WWOX: variants seen among roughly 807,000 people sequenced by gnomAD.
The protein encoded by WWOX is WW domain-containing oxidoreductase.
WWOX carries 69 observed loss-of-function variants against 46.2 expected under a neutral mutation model. The observed-to-expected ratio is 1.49, with a 90% CI of 1.23 to 1.82. WWOX has a LOEUF of 1.82. Ranked by LOEUF, WWOX falls within the 40% of genes most tolerant of loss-of-function variation. The pLI is 0.00. For synonymous variants in WWOX, 359 were observed against 202.6 expected, an observed-to-expected ratio of 1.77 and a Z score of -6.56; for missense variants, 919 against 542.6, an observed-to-expected ratio of 1.69 and a Z score of -6.89.
intron 8 of WWOX, among the ~76,000 whole-genome samples, chr16:78,871,192 T>A (rs1230754768): frequency 6.6e-6 from 1 of 150,828 alleles, no homozygotes; most frequent in African/African-American, 2.5e-5. Flanking sequence ...TTTTTTTTAA[T>A]GAGGCAATCA....
At chr16:79,140,239 C>A (rs2150713430) in intron 8 of WWOX, among the ~76,000 whole-genome samples, 1 of 152,264 alleles carries the variant, frequency 6.6e-6, no homozygotes, top group South Asian at 2.1e-4. Context: ...ACTTGCAGAC[C>A]CTGCCCTGAA....
At chr16:78,205,086 C>G (rs550959627) in intron 5 of WWOX, among the ~76,000 whole-genome samples, 1 of 152,114 alleles carries the variant, frequency 6.6e-6, no homozygotes, top group Non-Finnish European at 1.5e-5. Flanking sequence ...CATCTAGAAG[C>G]TCAAATCCAG....
At chr16:78,660,255 C>T (rs923124919) in intron 8 of WWOX, among the ~76,000 whole-genome samples, 7 of 152,048 alleles carry the variant, frequency 4.6e-5, no homozygotes, top group African/African-American at 9.7e-5. Context: ...GTGGTAGATG[C>T]GGACTGGCCA....
intron 8 of WWOX, among the ~76,000 whole-genome samples, chr16:78,888,001 G>T (rs1449448914): frequency 1.3e-5 from 2 of 152,168 alleles, no homozygotes; most frequent in African/African-American, 4.8e-5. Context: ...TCCCACATTG[G>T]ACTTGTCAGA....
chr16:78,783,908 G>C (rs1050169811), intron 8 of WWOX, among the ~76,000 whole-genome samples: 2 of 149,788 alleles, frequency 1.3e-5, no homozygotes, highest in African/African-American at 2.5e-5. Context: ...GATGACGATG[G>C]TGATGATGAT....
At chr16:78,900,841 T>G (rs1200228897) in intron 8 of WWOX, among the ~76,000 whole-genome samples, 1 of 73,000 alleles carries the variant, frequency 1.4e-5, no homozygotes, top group Non-Finnish European at 3.0e-5. Context: ...ATCAGAGCCT[T>G]TTTTTGAAAA....
intron 8 of WWOX, among the ~76,000 whole-genome samples, chr16:78,513,851 G>C (rs1306839633): frequency 2.0e-5 from 3 of 151,616 alleles, no homozygotes; most frequent in Non-Finnish European, 2.9e-5. Context: ...GGGAACACTT[G>C]GTCGAAAAAC....
At chr16:78,478,634 C>T (rs1320998773) in intron 8 of WWOX, among the ~76,000 whole-genome samples, 2 of 152,102 alleles carry the variant, frequency 1.3e-5, no homozygotes, top group African/African-American at 4.8e-5. Flanking sequence ...TTATTCCAGG[C>T]CACAAGGGTG....
chr16:78,466,535 T>G (rs2084082594), intron 8 of WWOX, among the ~76,000 whole-genome samples: 2 of 152,162 alleles, frequency 1.3e-5, no homozygotes. Flanking sequence ...TGTTGTTGTT[T>G]TTTAAATATT....
intron 4 of WWOX, among the ~76,000 whole-genome samples, chr16:78,120,524 T>G (rs983726763): frequency 1.3e-5 from 2 of 150,044 alleles, no homozygotes; most frequent in Non-Finnish European, 3.0e-5. Context: ...GAGCTGAGAT[T>G]GCGCCACTGC....
At chr16:78,813,294 C>G (rs1244400189) in intron 8 of WWOX, among the ~76,000 whole-genome samples, 1 of 150,524 alleles carries the variant, frequency 6.6e-6, no homozygotes, top group South Asian at 2.1e-4. Context: ...CCTTTTTTTC[C>G]CTCCTAAGCT....
intron 8 of WWOX, among the ~76,000 whole-genome samples, chr16:78,904,701 G>A (rs1233201173): frequency 6.6e-6 from 1 of 152,090 alleles, no homozygotes; most frequent in Non-Finnish European, 1.5e-5. Context: ...AATTATGCTG[G>A]GACAATAGGC....
intron 8 of WWOX, among the ~76,000 whole-genome samples, chr16:78,629,255 C>A (rs1440670267): frequency 6.7e-6 from 1 of 148,314 alleles, no homozygotes; most frequent in Admixed American, 6.7e-5. Context: ...TTTTCCTCTG[C>A]AAGGGATGGG....
chr16:78,341,358 T>A (rs978890162), intron 5 of WWOX, among the ~76,000 whole-genome samples: 2 of 121,162 alleles, frequency 1.7e-5, no homozygotes, highest in African/African-American at 5.6e-5. Context: ...TCATGTTGTT[T>A]TATAGCAGTT....
At chr16:79,182,075 C>T (rs954823455) in intron 8 of WWOX, among the ~76,000 whole-genome samples, 4 of 151,408 alleles carry the variant, frequency 2.6e-5, no homozygotes, top group Non-Finnish European at 5.9e-5. Flanking sequence ...AACATCCCCA[C>T]CCTACCCAAA....
chr16:78,223,009 C>T (rs1181599649), intron 5 of WWOX, among the ~76,000 whole-genome samples: 2 of 152,146 alleles, frequency 1.3e-5, no homozygotes, highest in African/African-American at 4.8e-5. Flanking sequence ...CTGTCATTCC[C>T]CTTTCAGTCT....
intron 8 of WWOX, among the ~76,000 whole-genome samples, chr16:78,996,721 G>C (rs553004136): frequency 2.2e-4 from 34 of 152,232 alleles, no homozygotes; most frequent in African/African-American, 7.9e-4. Flanking sequence ...AAAGTAAACA[G>C]CCCATGAAAA....
chr16:78,378,107 C>A (rs879899767), intron 5 of WWOX, among the ~76,000 whole-genome samples: 1 of 151,726 alleles, frequency 6.6e-6, no homozygotes, highest in Non-Finnish European at 1.5e-5. Context: ...AATCCCCCTG[C>A]GTCCCCCCGC....
At chr16:78,628,709 A>T (rs2046364113) in intron 8 of WWOX, among the ~76,000 whole-genome samples, 1 of 152,098 alleles carries the variant, frequency 6.6e-6, no homozygotes, top group African/African-American at 2.4e-5. Flanking sequence ...GCTAGAATGG[A>T]ATTTCACTGT....
Sources: gnomAD v4.1 joint callset for allele counts (sites outside exome capture counted in the v4.1 genomes callset) on GRCh38, gnomAD v4.1.1 for gene constraint, MANE v1.5 for transcripts, NCBI Gene and HGNC (gene_info 2026-07-23, HGNC 2026-07-21) for gene names.